FCHSD2: variants seen among roughly 807,000 people sequenced by gnomAD.
FCHSD2 encodes F-BAR and double SH3 domains protein 2.
A neutral mutation model predicts 108.1 loss-of-function variants in FCHSD2; 38 were observed. That is an observed-to-expected ratio of 0.35 (90% CI 0.27 to 0.46). The LOEUF is 0.46. Among genes scored for constraint, FCHSD2 ranks in the 20% least tolerant of loss-of-function variants. The pLI, the probability that FCHSD2 is intolerant of heterozygous loss-of-function variation, is 1.00. For missense variants in FCHSD2, 751 were observed against 897.8 expected (o/e 0.84, Z 2.09); for synonymous variants, 279 against 314.7 (o/e 0.89, Z 1.20).
intron 4 of FCHSD2, among the ~76,000 whole-genome samples, chr11:73,009,641 A>T (rs11235629): frequency 6.6e-6 from 1 of 151,912 alleles, no homozygotes; most frequent in African/African-American, 2.4e-5. Context: ...CTTCTCCTTC[A>T]TTTATGAAGG....
At chr11:73,034,282 A>G (rs1858435516) in intron 3 of FCHSD2, among the ~76,000 whole-genome samples, 1 of 152,194 alleles carries the variant, frequency 6.6e-6, no homozygotes, top group African/African-American at 2.4e-5. Flanking sequence ...GATACGTTAA[A>G]GTGGAATTTT....
intron 8 of FCHSD2, among the ~76,000 whole-genome samples, chr11:72,966,921 G>A (rs558602447): frequency 2.0e-5 from 3 of 152,234 alleles, no homozygotes; most frequent in East Asian, 1.9e-4. Flanking sequence ...GAAAGTGGCC[G>A]GGCGCGGTGG....
intron 2 of FCHSD2, among the ~76,000 whole-genome samples, chr11:73,116,928 T>C (rs1480214008): frequency 9.8e-6 from 1 of 102,552 alleles, no homozygotes; most frequent in Non-Finnish European, 1.9e-5. Context: ...TATTTTTTCA[T>C]GTAAAACCTT....
At chr11:72,841,238 G>A (rs1860921732) in intron 18 of FCHSD2, among the ~76,000 whole-genome samples, 1 of 150,440 alleles carries the variant, frequency 6.6e-6, no homozygotes. Flanking sequence ...GGAGGCTGAG[G>A]CAGGAGGATC....
chr11:73,073,336 T>C (rs1280304414), intron 3 of FCHSD2, among the ~76,000 whole-genome samples: 3 of 152,234 alleles, frequency 2.0e-5, no homozygotes, highest in African/African-American at 4.8e-5. Flanking sequence ...TCACAAACCA[T>C]ACTTAAAAAT....
At chr11:73,108,003 T>C (rs1446576206) in intron 2 of FCHSD2, among the ~76,000 whole-genome samples, 3 of 152,228 alleles carry the variant, frequency 2.0e-5, no homozygotes, top group African/African-American at 7.2e-5. Flanking sequence ...TTATTCTCCA[T>C]AGTTGTTGTA....
At chr11:73,029,538 T>C (rs1304037691) in intron 3 of FCHSD2, among the ~76,000 whole-genome samples, 1 of 152,164 alleles carries the variant, frequency 6.6e-6, no homozygotes, top group Non-Finnish European at 1.5e-5. Context: ...ATGCTCCTTA[T>C]GGGAGCCAGG....
At chr11:72,948,130 C>T (rs1183639941) in intron 8 of FCHSD2, among the ~76,000 whole-genome samples, 5 of 152,156 alleles carry the variant, frequency 3.3e-5, no homozygotes, top group African/African-American at 1.2e-4. Flanking sequence ...GTCTCAGCCT[C>T]CTGAGTAGCT....
intron 10 of FCHSD2, among the ~76,000 whole-genome samples, chr11:72,891,114 C>T (rs1227870394): frequency 6.6e-6 from 1 of 151,876 alleles, no homozygotes; most frequent in East Asian, 1.9e-4. Flanking sequence ...GATAAGGTCT[C>T]ACTATGTTGC....
At chr11:72,897,151 A>T (rs1191472416) in intron 10 of FCHSD2, among the ~76,000 whole-genome samples, 1 of 152,104 alleles carries the variant, frequency 6.6e-6, no homozygotes, top group Non-Finnish European at 1.5e-5. Context: ...GAAAGATTTT[A>T]AGAAGTCAGT....
At chr11:73,045,753 C>T (rs373583526) in intron 3 of FCHSD2, among the ~76,000 whole-genome samples, 1 of 151,414 alleles carries the variant, frequency 6.6e-6, no homozygotes, top group East Asian at 1.9e-4. Flanking sequence ...GAACATCACA[C>T]TCTGGGGACT....
At chr11:72,928,719 TTTTTA>T (rs1042782588) in intron 8 of FCHSD2, among the ~76,000 whole-genome samples, 27 of 152,256 alleles carry the variant, frequency 1.8e-4, no homozygotes, top group African/African-American at 6.5e-4. Context: ...CACTTTCTTT[TTTTTA>T]TTTTATTATT....
chr11:72,877,118 C>A (rs1049631372), intron 12 of FCHSD2, among the ~76,000 whole-genome samples: 2 of 152,100 alleles, frequency 1.3e-5, no homozygotes, highest in African/African-American at 4.8e-5. Context: ...TCCTGAGTAG[C>A]TGGGACTACA....
intron 2 of FCHSD2, among the ~76,000 whole-genome samples, chr11:73,096,987 A>ATTTTTTTTTTTGTTTTTTTTTTTTTT (rs1860097694): frequency 3.7e-5 from 1 of 27,020 alleles, no homozygotes; most frequent in Non-Finnish European, 5.6e-5. Flanking sequence ...TCATTGATGG[A>ATTTTTTTTTTTGTTTTTTTTTTTTTT]TTTTTTTTTT....
At chr11:73,130,686 C>CA (rs1255857363) in intron 2 of FCHSD2, among the ~76,000 whole-genome samples, 10 of 152,054 alleles carry the variant, frequency 6.6e-5, no homozygotes, top group Admixed American at 5.2e-4. Context: ...TGGTCTGTGA[C>CA]AAAAAAAGTT....
chr11:73,054,005 G>C (rs1009232487), intron 3 of FCHSD2, among the ~76,000 whole-genome samples: 1 of 152,118 alleles, frequency 6.6e-6, no homozygotes, highest in Non-Finnish European at 1.5e-5. Flanking sequence ...AGGGAAAAGG[G>C]GGGAAGAGTC....
intron 3 of FCHSD2, among the ~76,000 whole-genome samples, chr11:73,043,949 G>A (rs1858698831): frequency 6.6e-6 from 1 of 152,164 alleles, no homozygotes; most frequent in African/African-American, 2.4e-5. Flanking sequence ...TCCCTTGGAA[G>A]GCCATTCACC....
Position 73,047,567 on chromosome 11 carries a change from C to T in FCHSD2, c.166-31682G>A, listed in dbSNP as rs1353670200. On this transcript the variant is annotated intron_variant, in intron 3 of 19. Coordinates refer to ENST00000409418, the MANE Select transcript of FCHSD2 (RefSeq NM_014824.3). ...TGCCAAGGATAATGCAAAAAGAAATCCTGAAATAAAGTATTAACCTATCAA... is the reference window on the plus strand; with the variant it reads ...TGCCAAGGATAATGCAAAAAGAAATTCTGAAATAAAGTATTAACCTATCAA... Among the ~76,000 whole-genome samples, 11 of 152,146 alleles carry T rather than the reference C, an allele frequency of 7.2e-5. 1 individual carries two copies. The highest frequency in any genetic ancestry group is 1.3e-4 in the Non-Finnish European group (9 of 68,026).
chr11:73,036,599 C>G lies in FCHSD2; in HGVS notation c.166-20714G>C, dbSNP rs1243408170. On this transcript the variant is annotated intron_variant, in intron 3 of 19. Transcript: ENST00000409418. ...TAATCATGATTACTGTGATTAAAAA[C>G]TTTCAATGTCATTATTAAATGTAGA... 2.6e-5 allele frequency among the ~76,000 whole-genome samples: 4 copies of G among 152,244 alleles called. No individual in the cohort carries two copies. In the East Asian group the frequency reaches 5.8e-4, roughly 22 times the overall value.
Sources: gnomAD v4.1 joint callset for allele counts (sites outside exome capture counted in the v4.1 genomes callset) on GRCh38, gnomAD v4.1.1 for gene constraint, MANE v1.5 for transcripts, NCBI Gene and HGNC (gene_info 2026-07-23, HGNC 2026-07-21) for gene names.